Variants in PRICKLE2 observed in about 807,000 individuals in gnomAD.
PRICKLE2 encodes prickle planar cell polarity protein 2.
Under a neutral mutation model 81.4 loss-of-function variants are expected in PRICKLE2, and 21 were observed. The observed-to-expected ratio is 0.26, with a 90% CI of 0.18 to 0.37. The LOEUF (loss-of-function observed/expected upper bound fraction) is 0.37. Ranked by LOEUF, PRICKLE2 falls within the 10% of genes least tolerant of loss-of-function variation. The pLI is 1.00. For synonymous variants in PRICKLE2, 456 were observed against 421.5 expected, an observed-to-expected ratio of 1.08 and a Z score of -1.00; for missense variants, 940 against 1,109.0, an observed-to-expected ratio of 0.85 and a Z score of 2.16.
Position 64,140,387 on chromosome 3 carries a change from C to G in PRICKLE2, c.1660+6443G>C, listed in dbSNP as rs559646504. 1.4e-4 allele frequency among the ~76,000 whole-genome samples: 22 copies of G among 152,344 alleles called. No individual in the cohort carries two copies. In the East Asian group the frequency reaches 4.1e-3, roughly 28 times the overall value. The stretch of plus-strand genomic sequence containing the variant: ...AAAATAAACAGAAACGTTGTTTCCC[C>G]TTCCCTCACTCCCATCCTTACCTAG... On this transcript the variant is annotated intron_variant, in intron 7 of 7. Transcript: ENST00000638394.
Position 64,092,630 on chromosome 3 carries a change from A to G in PRICKLE2, c.*6421T>C, listed in dbSNP as rs2076523104. 6.6e-6 allele frequency: 1 copy of G among 152,236 alleles called. No homozygotes were observed. Among genetic ancestry groups the G allele is most frequent in the Admixed American group, 6.5e-5 (1 of 15,290 alleles). The allele number at this position is 152,236 out of a possible 1,614,324, so 9.4% of individuals were successfully genotyped here. On this transcript the variant is annotated 3_prime_UTR_variant, in exon 8 of 8. Transcript: ENST00000638394. ...GTTAATGCTGCCCTAACCAGAACAC[A>G]GACATGGATGTAATTCTCCAGACAG... is the stretch of plus-strand genomic sequence containing the variant.
chr3:64,153,879 T>C, intron 5 of PRICKLE2: 1 of 160,872 alleles, frequency 6.2e-6, no homozygotes, highest in Non-Finnish European at 1.4e-5. Context: ...GTTCTCCAGT[T>C]TGTCATATTC....
chr3:64,246,764 T>C (rs564643323), intron 2 of PRICKLE2, among the ~76,000 whole-genome samples: 4 of 152,364 alleles, frequency 2.6e-5, no homozygotes, highest in Admixed American at 2.6e-4. Flanking sequence ...AAGATATGTC[T>C]AAAGACTTTG....
intron 2 of PRICKLE2, among the ~76,000 whole-genome samples, chr3:64,266,404 A>G (rs1303744855): frequency 6.6e-6 from 1 of 152,174 alleles, no homozygotes; most frequent in Non-Finnish European, 1.5e-5. Flanking sequence ...CATCCAGTCA[A>G]CAGTTTCTCC....
chr3:64,121,845 T>C (rs983546791), intron 7 of PRICKLE2, among the ~76,000 whole-genome samples: 2 of 152,184 alleles, frequency 1.3e-5, no homozygotes, highest in Admixed American at 1.3e-4. Flanking sequence ...CAGAAAAGAA[T>C]GACTGGCTCG....
intron 2 of PRICKLE2, among the ~76,000 whole-genome samples, chr3:64,256,583 T>C (rs2107185197): frequency 6.6e-6 from 1 of 152,286 alleles, no homozygotes; most frequent in African/African-American, 2.4e-5. Flanking sequence ...CAATAAATGA[T>C]ACCTGCTACT....
At chr3:64,138,895 T>C (rs945584424) in intron 7 of PRICKLE2, among the ~76,000 whole-genome samples, 1 of 152,254 alleles carries the variant, frequency 6.6e-6, no homozygotes, top group African/African-American at 2.4e-5. Flanking sequence ...TAAGAGGTTC[T>C]ACCCAATATT....
chr3:64,165,165 C>G (rs1392753168), intron 2 of PRICKLE2, among the ~76,000 whole-genome samples: 3 of 152,172 alleles, frequency 2.0e-5, no homozygotes, highest in African/African-American at 4.8e-5. Flanking sequence ...TTAATCACCT[C>G]TAATTACTCA....
At chr3:64,125,591 C>A (rs980689571) in intron 7 of PRICKLE2, among the ~76,000 whole-genome samples, 5 of 152,196 alleles carry the variant, frequency 3.3e-5, no homozygotes, top group Admixed American at 6.5e-5. Flanking sequence ...CCAGCAAAAA[C>A]ATTATTCACT....
chr3:64,166,769 G>A (rs922699078), intron 2 of PRICKLE2, among the ~76,000 whole-genome samples: 3 of 152,212 alleles, frequency 2.0e-5, no homozygotes, highest in Non-Finnish European at 4.4e-5. Flanking sequence ...CATGGTAGGT[G>A]ATGTGGCTTG....
At chr3:64,187,892 C>A (rs2078264626) in intron 2 of PRICKLE2, among the ~76,000 whole-genome samples, 1 of 152,202 alleles carries the variant, frequency 6.6e-6, no homozygotes, top group South Asian at 2.1e-4. Flanking sequence ...CACGGTCCTG[C>A]AGTAAAAGGT....
rs1384083880 is a variant in PRICKLE2, at chr3:64,098,061, TA to T, written c.*989del. The T allele has an allele frequency of 1.3e-5, 2 of 152,598 alleles. No individual in the cohort carries two copies. Among genetic ancestry groups the T allele is most frequent in the African/African-American group, 4.8e-5 (2 of 41,420 alleles). 9.5% of individuals were successfully genotyped at this position (152,598 alleles called of 1,614,324 possible). A position where few individuals can be genotyped will look rare whatever the true frequency, so the allele number is the denominator to read the frequency against. Reference sequence around the variant, plus strand: ...TGCCTTGGTAAAGGAAAGCAGATAATACAATCCAGGAAACATGAGCACCAGA... The same window carrying T: ...TGCCTTGGTAAAGGAAAGCAGATAATCAATCCAGGAAACATGAGCACCAGA... On this transcript the variant is annotated 3_prime_UTR_variant, in exon 8 of 8. Transcript: ENST00000638394.
At chr3:64,221,781 A>G (rs554847543) in intron 1 of PRICKLE2, among the ~76,000 whole-genome samples, 1 of 152,298 alleles carries the variant, frequency 6.6e-6, no homozygotes, top group African/African-American at 2.4e-5. Context: ...GACAGCACAG[A>G]AGAAATGACC....
chr3:64,251,099 A>T (rs764639050), intron 2 of PRICKLE2, among the ~76,000 whole-genome samples: 1 of 152,242 alleles, frequency 6.6e-6, no homozygotes, highest in Non-Finnish European at 1.5e-5. Flanking sequence ...TAGGTGCTCA[A>T]TAAAGATATT....
At chr3:64,172,876 G>T (rs1408578356) in intron 2 of PRICKLE2, among the ~76,000 whole-genome samples, 2 of 152,188 alleles carry the variant, frequency 1.3e-5, no homozygotes, top group Non-Finnish European at 2.9e-5. Flanking sequence ...CAGAGAAAAG[G>T]CCATCTGCAA....
chr3:64,246,664 C>T (rs542787034), intron 2 of PRICKLE2, among the ~76,000 whole-genome samples: 13 of 152,254 alleles, frequency 8.5e-5, no homozygotes, highest in East Asian at 5.8e-4. Flanking sequence ...GCATTTCTGA[C>T]GACTTTCCAG....
At chr3:64,142,848 A>G (rs779537567) in intron 7 of PRICKLE2, among the ~76,000 whole-genome samples, 1 of 152,230 alleles carries the variant, frequency 6.6e-6, no homozygotes, top group African/African-American at 2.4e-5. Context: ...AGGAAGTACT[A>G]CAGGAACACC....
intron 7 of PRICKLE2, among the ~76,000 whole-genome samples, chr3:64,135,729 C>G (rs1243799119): frequency 1.3e-5 from 2 of 152,000 alleles, no homozygotes; most frequent in East Asian, 3.9e-4. Context: ...CACACGCACA[C>G]ACACCTGCGT....
intron 2 of PRICKLE2, among the ~76,000 whole-genome samples, chr3:64,257,036 C>T (rs896617627): frequency 3.9e-5 from 6 of 152,148 alleles, no homozygotes; most frequent in Non-Finnish European, 8.8e-5. Flanking sequence ...AACCTGGTGC[C>T]AATTAATGGA....
Sources: gnomAD v4.1 joint callset for allele counts (sites outside exome capture counted in the v4.1 genomes callset) on GRCh38, gnomAD v4.1.1 for gene constraint, MANE v1.5 for transcripts, NCBI Gene and HGNC (gene_info 2026-07-23, HGNC 2026-07-21) for gene names.